KCNMA1: variants seen among roughly 807,000 people sequenced by gnomAD.
KCNMA1 encodes the protein Calcium-activated potassium channel subunit alpha-1.
A neutral mutation model predicts 140.0 loss-of-function variants in KCNMA1; 29 were observed. The ratio of observed to expected loss-of-function variants is 0.21; its 90% confidence interval spans 0.15 to 0.28. The LOEUF is 0.28. Among genes scored for constraint, KCNMA1 ranks in the 10% least tolerant of loss-of-function variants. The probability of loss-of-function intolerance (pLI) is 1.00; values close to 1 mark genes in which losing one functional copy is unlikely to be tolerated. For missense variants in KCNMA1, 880 were observed against 1,602.2 expected, an observed-to-expected ratio of 0.55 and a Z score of 7.70; for synonymous variants, 612 against 611.9, an observed-to-expected ratio of 1.00 and a Z score of 0.00.
chr10:76,989,660 C>T (rs2082211393), intron 19 of KCNMA1, among the ~76,000 whole-genome samples: 1 of 152,076 alleles, frequency 6.6e-6, no homozygotes, highest in Non-Finnish European at 1.5e-5. Context: ...ACAATTATTC[C>T]ATGACCTAGA....
rs545187159 is a variant in KCNMA1, at chr10:76,998,691, C to T, written c.2266+2716G>A. On this transcript the variant is annotated intron_variant, in intron 19 of 27. Coordinates refer to ENST00000286628, the MANE Select transcript of KCNMA1 (RefSeq NM_001161352.2). Reference sequence around the variant, plus strand: ...CTGTTCATATTTAATGAAAAGCCCACTCTCACCACTGCTCTTGAGTCAACT... The same window carrying T: ...CTGTTCATATTTAATGAAAAGCCCATTCTCACCACTGCTCTTGAGTCAACT... 3.9e-5 allele frequency among the ~76,000 whole-genome samples: 6 copies of T among 152,314 alleles called. No individual in the cohort carries two copies. The South Asian group carries it at 6.2e-4, about 16-fold the overall frequency.
chr10:77,135,595 C>T (rs1478397695), intron 5 of KCNMA1, among the ~76,000 whole-genome samples: 2 of 152,154 alleles, frequency 1.3e-5, no homozygotes, highest in African/African-American at 2.4e-5. Context: ...AAATCAACCG[C>T]AGTGTCCATC....
chr10:77,190,290 G>T (rs1005949852), intron 3 of KCNMA1, among the ~76,000 whole-genome samples: 1 of 152,126 alleles, frequency 6.6e-6, no homozygotes, highest in Admixed American at 6.6e-5. Flanking sequence ...CCTGACAATT[G>T]TATAAAATTT....
intron 1 of KCNMA1, among the ~76,000 whole-genome samples, chr10:77,538,895 G>A (rs1281441895): frequency 2.6e-5 from 4 of 152,188 alleles, no homozygotes; most frequent in Non-Finnish European, 4.4e-5. Flanking sequence ...TTAGCACAGG[G>A]CTCAGCATGA....
chr10:77,257,237 A>C (rs1314628088), intron 2 of KCNMA1, among the ~76,000 whole-genome samples: 1 of 152,246 alleles, frequency 6.6e-6, no homozygotes, highest in African/African-American at 2.4e-5. Flanking sequence ...TGGTGAATTT[A>C]TTAATAACAA....
intron 1 of KCNMA1, among the ~76,000 whole-genome samples, chr10:77,590,337 C>T (rs183213863): frequency 2.6e-5 from 4 of 152,300 alleles, no homozygotes; most frequent in East Asian, 1.9e-4. Flanking sequence ...CAGGGGGCGG[C>T]GCTCCTCGGG....
chr10:76,954,269 G>GAA (rs1554982406), intron 20 of KCNMA1, among the ~76,000 whole-genome samples: 1 of 141,098 alleles, frequency 7.1e-6, no homozygotes, highest in Non-Finnish European at 1.6e-5. Flanking sequence ...TCCCCAGCGT[G>GAA]CACACACACA....
At chr10:77,025,263 TATATATATATATATATATAC>T (rs1565613463) in intron 16 of KCNMA1, among the ~76,000 whole-genome samples, 1 of 123,434 alleles carries the variant, frequency 8.1e-6, no homozygotes, top group Non-Finnish European at 1.7e-5. Flanking sequence ...TATATATATA[TATATATATATATATATATAC>T]ACACACACAT....
At chr10:77,337,915 A>C (rs925525809) in intron 2 of KCNMA1, among the ~76,000 whole-genome samples, 1 of 152,214 alleles carries the variant, frequency 6.6e-6, no homozygotes. Flanking sequence ...GACATGTTAA[A>C]ATGAAGAATC....
intron 2 of KCNMA1, among the ~76,000 whole-genome samples, chr10:77,386,317 T>C (rs2095601658): frequency 6.6e-6 from 1 of 152,256 alleles, no homozygotes; most frequent in African/African-American, 2.4e-5. Flanking sequence ...CCGTTTGTTA[T>C]AATGTCCTAT....
intron 3 of KCNMA1, among the ~76,000 whole-genome samples, chr10:77,195,920 G>T (rs2040313605): frequency 6.6e-6 from 1 of 152,122 alleles, no homozygotes; most frequent in Non-Finnish European, 1.5e-5. Context: ...CTGCACTCCA[G>T]CCTGGGCAAC....
Position 77,506,596 on chromosome 10 carries a change from A to AGAGTGTGT in KCNMA1, c.379-102574_379-102573insACACACTC. Among the ~76,000 whole-genome samples, 644 of 83,528 alleles carry AGAGTGTGT rather than the reference A, an allele frequency of 7.7e-3. 9 individuals are homozygous for AGAGTGTGT. The highest frequency in any genetic ancestry group is 8.4e-3 in the Non-Finnish European group (415 of 49,158). 54.8% of individuals were successfully genotyped at this position (83,528 alleles called of 152,430 possible). On this transcript the variant is annotated intron_variant, in intron 1 of 27. Transcript: ENST00000286628. ...TAGAGAGAGAGAGAGAGAGAGAGAG[A>AGAGTGTGT]GTGTGTGTGTGTGTGTGTGTGTGTT...
chr10:77,366,145 T>TC (rs1491518985), intron 2 of KCNMA1, among the ~76,000 whole-genome samples: 26 of 64,470 alleles, frequency 4.0e-4, no homozygotes, highest in African/African-American at 1.7e-3. Flanking sequence ...TCTCTCTCTC[T>TC]TTCTCTTTCT....
intron 14 of KCNMA1, among the ~76,000 whole-genome samples, chr10:77,047,183 G>C (rs1403761145): frequency 6.6e-6 from 1 of 152,172 alleles, no homozygotes; most frequent in Non-Finnish European, 1.5e-5. Flanking sequence ...CAATTTTGGG[G>C]GGATTTGATG....
In KCNMA1 at chr10:77,509,413, C is replaced by T. The variant is rs373654784; in HGVS notation, c.379-105390G>A. On this transcript the variant is annotated intron_variant, in intron 1 of 27. Coordinates refer to ENST00000286628, the MANE Select transcript of KCNMA1 (RefSeq NM_001161352.2). ...GATTATAGGCGTGAGCCACCATGCC[C>T]GGCCCTACCTCTTGGTTATTGTGAA... Among the ~76,000 whole-genome samples, 595 of 151,908 alleles carry T rather than the reference C, an allele frequency of 3.9e-3. 3 individuals are homozygous for T. The highest frequency in any genetic ancestry group is 0.013 in the African/African-American group (552 of 41,540).
intron 2 of KCNMA1, among the ~76,000 whole-genome samples, chr10:77,324,067 G>A (rs1210585411): frequency 6.6e-6 from 1 of 152,196 alleles, no homozygotes; most frequent in African/African-American, 2.4e-5. Flanking sequence ...TGGTAAGGAT[G>A]GGCACAGAAG....
intron 3 of KCNMA1, among the ~76,000 whole-genome samples, chr10:77,222,162 A>G (rs2049910177): frequency 6.6e-6 from 1 of 152,218 alleles, no homozygotes; most frequent in African/African-American, 2.4e-5. Context: ...CTGCTCTCCC[A>G]TCTTTGGGAA....
intron 19 of KCNMA1, among the ~76,000 whole-genome samples, chr10:76,990,098 A>T (rs934629250): frequency 6.6e-6 from 1 of 152,212 alleles, no homozygotes; most frequent in Non-Finnish European, 1.5e-5. Context: ...AAGCTAAAAA[A>T]TAGTGAAGTT....
chr10:77,112,556 C>A, intron 6 of KCNMA1, 114 bp from the exon 7 acceptor site: 1 of 737,198 alleles, frequency 1.4e-6, no homozygotes, highest in Admixed American at 2.0e-5. Flanking sequence ...ATCTAACTCC[C>A]AACCATTTCT....
Sources: allele counts gnomAD v4.1 joint callset (sites outside exome capture counted in the v4.1 genomes callset), GRCh38; gene constraint gnomAD v4.1.1; transcripts MANE v1.5; gene names NCBI Gene and HGNC (gene_info 2026-07-23, HGNC 2026-07-21).